The following DLG5 variants were observed in gnomAD, a reference collection of about 807,000 sequenced individuals.
DLG5 encodes discs large MAGUK scaffold protein 5.
Under a neutral mutation model 189.8 loss-of-function variants are expected in DLG5, and 48 were observed. That is an observed-to-expected ratio of 0.25 (90% CI 0.20 to 0.32). The LOEUF (loss-of-function observed/expected upper bound fraction) is 0.32, where lower values mean the gene tolerates loss of function less well. Among genes scored for constraint, DLG5 ranks in the 10% least tolerant of loss-of-function variants. The pLI, the probability that DLG5 is intolerant of heterozygous loss-of-function variation, is 1.00. For synonymous variants in DLG5, 1,016 were observed against 1,054.1 expected, an observed-to-expected ratio of 0.96 and a Z score of 0.70; for missense variants, 2,160 against 2,544.7, an observed-to-expected ratio of 0.85 and a Z score of 3.25.
rs1351719390 is a variant in DLG5 at position 77,821,762 on chromosome 10, C to T, written c.2722G>A (p.Val908Met). Residue 908 changes from valine (V) to methionine (M), a missense_variant, in exon 15 of 32, where the codon GTG (valine) becomes ATG (methionine). Transcript: ENST00000372391. ...DASGDRGFGL[V>M]DVRGRRPLLP... ...AGTGGCCGCCGGCCACGCACGTCCA[C>T]CAGCCCAAAGCCACGGTCCCCAGAG... 6.2e-7 allele frequency: 1 copy of T among 1,609,634 alleles called. No individual in the cohort carries two copies.
At chr10:77,890,894 G>A (rs1845587225) in intron 1 of DLG5, among the ~76,000 whole-genome samples, 1 of 152,100 alleles carries the variant, frequency 6.6e-6, no homozygotes, top group Admixed American at 6.5e-5. Flanking sequence ...GGGTCTCCAT[G>A]GGCCCAGCCT....
At chr10:77,830,615 C>T in intron 10 of DLG5, 126 bp downstream of exon 10, 1 of 1,455,584 alleles carries the variant, frequency 6.9e-7, no homozygotes, top group Non-Finnish European at 9.3e-7. Context: ...GGATGCCTCA[C>T]ACTCCTGGGA....
Position 77,824,446 on chromosome 10 carries a change from G to A in DLG5, c.2320C>T (p.Leu774=), listed in dbSNP as rs1479821399. Residue 774 remains leucine (L), a synonymous_variant, in exon 14 of 32, where the codon CTG becomes TTG. Transcript: ENST00000372391. ...INGIALDNKS[L]NECESLLRSC... is the part of the protein sequence containing the mutation. ...CGCAGCAGAGATTCACATTCATTCA[G>A]AGACTTGTTGTCCAGTGCAATGCCA... 1 of 1,613,942 alleles carries A rather than the reference G, an allele frequency of 6.2e-7. No individual in the cohort carries two copies. Among genetic ancestry groups the A allele is most frequent in the Non-Finnish European group, 8.5e-7 (1 of 1,179,986 alleles).
At chr10:77,793,867 G>C (rs573618467) in intron 31 of DLG5, 141 bp downstream of exon 31, 1 of 701,382 alleles carries the variant, frequency 1.4e-6, no homozygotes, top group African/African-American at 1.8e-5. Context: ...CTGAACACCT[G>C]ACTTGTCAGG....
intron 27 of DLG5, among the ~76,000 whole-genome samples, chr10:77,804,338 C>T (rs1482911134): frequency 1.3e-5 from 2 of 152,256 alleles, no homozygotes; most frequent in Admixed American, 1.3e-4. Flanking sequence ...GCTCAGCTCA[C>T]AGACCATTTA....
rs144884705 is a variant in DLG5 at position 77,865,290 on chromosome 10, CT to C, written c.373+3838del. Among the ~76,000 whole-genome samples the C allele has an allele frequency of 8.9e-3, 1,349 of 152,236 alleles. 20 individuals are homozygous for C. The highest frequency in any genetic ancestry group is 0.031 in the African/African-American group (1,268 of 41,522). On this transcript the variant is annotated intron_variant, in intron 2 of 31. Coordinates refer to ENST00000372391, the MANE Select transcript of DLG5 (RefSeq NM_004747.4). ...AAATTGGCTTTGCAAAGGATTACCC[CT>C]GACCCAAAAGTCTGGGCCAGGAATG...
intron 24 of DLG5, among the ~76,000 whole-genome samples, chr10:77,809,209 C>A (rs569839329): frequency 1.1e-4 from 16 of 152,032 alleles, no homozygotes; most frequent in African/African-American, 3.9e-4. Flanking sequence ...GAGTTTGAGA[C>A]CAGCCTGGGC....
Position 77,895,827 on chromosome 10 carries a change from T to C in DLG5, c.305-26630A>G, listed in dbSNP as rs143599130. On this transcript the variant is annotated intron_variant, in intron 1 of 31. Coordinates refer to ENST00000372391, the MANE Select transcript of DLG5 (RefSeq NM_004747.4). Reference sequence around the variant, plus strand: ...GAGTTCAAGACCAGCCTGGCCAACATGGTGAAACCCCATCTCTACCCAGGG... The same window carrying C: ...GAGTTCAAGACCAGCCTGGCCAACACGGTGAAACCCCATCTCTACCCAGGG... 4.1e-3 allele frequency among the ~76,000 whole-genome samples: 623 copies of C among 152,226 alleles called. 5 individuals carry two copies. Among genetic ancestry groups the C allele is most frequent in the African/African-American group, 0.014 (586 of 41,546 alleles).
At position 77,805,115 on chromosome 10, in the gene DLG5, G is replaced by A. The variant is rs376842767; in HGVS notation, c.5164+550C>T. 1.8e-4 allele frequency among the ~76,000 whole-genome samples: 27 copies of A among 152,224 alleles called. No individual in the cohort carries two copies. The South Asian group carries it at 5.0e-3, about 28-fold the overall frequency. On this transcript the variant is annotated intron_variant, in intron 27 of 31. Coordinates refer to ENST00000372391, the MANE Select transcript of DLG5 (RefSeq NM_004747.4). ...CTCCCAAGTAGCTGGGATTACAGGT[G>A]CATGCCACCACACCTGGCTAATTTT...
At chr10:77,835,388 G>A (rs935871861) in intron 8 of DLG5, among the ~76,000 whole-genome samples, 1 of 152,166 alleles carries the variant, frequency 6.6e-6, no homozygotes, top group African/African-American at 2.4e-5. Context: ...CTGGCACACA[G>A]TAGGCGCCCG....
intron 31 of DLG5, chr10:77,793,540 T>C (rs1248810264): frequency 6.7e-6 from 1 of 149,366 alleles, no homozygotes; most frequent in African/African-American, 2.5e-5. Flanking sequence ...ATTGTTTTTT[T>C]TTGTTTTGTT....
chr10:77,814,464 TATATATATATATATATATATATATATATA>T, intron 20 of DLG5, among the ~76,000 whole-genome samples: 1 of 30,096 alleles, frequency 3.3e-5, no homozygotes, highest in South Asian at 1.5e-3. Context: ...AGCATGTTTA[TATATATATATATATATATATATATATATA>T]TATATATATA....
chr10:77,824,672 C>T, intron 13 of DLG5, 196 bp from the exon 14 acceptor site: 2 of 552,434 alleles, frequency 3.6e-6, no homozygotes. Flanking sequence ...GGTAGAGGAA[C>T]ACATAAGCCT....
At chr10:77,819,675 A>AT in intron 16 of DLG5, 1 of 1,031,928 alleles carries the variant, frequency 9.7e-7, no homozygotes. Context: ...CATGCTTCCT[A>AT]TTTCCCAGGT....
At chr10:77,795,294 C>T (rs552675617) in intron 29 of DLG5, among the ~76,000 whole-genome samples, 12 of 152,240 alleles carry the variant, frequency 7.9e-5, no homozygotes, top group South Asian at 6.2e-4. Flanking sequence ...CCAGACTGAG[C>T]GAATGAAGAG....
intron 7 of DLG5, among the ~76,000 whole-genome samples, chr10:77,836,267 G>C (rs1397317594): frequency 6.6e-6 from 1 of 152,126 alleles, no homozygotes; most frequent in Non-Finnish European, 1.5e-5. Flanking sequence ...CACATCCCTA[G>C]AGAGTTATAT....
intron 13 of DLG5, among the ~76,000 whole-genome samples, chr10:77,826,209 C>A (rs912128140): frequency 6.6e-6 from 1 of 152,224 alleles, no homozygotes. Context: ...AGTGGCCATG[C>A]AGCACGACAC....
chr10:77,806,621 A>T, intron 26 of DLG5, 137 bp downstream of exon 26: 1 of 1,227,488 alleles, frequency 8.1e-7, no homozygotes, highest in Non-Finnish European at 1.1e-6. Context: ...CAAAATGTAG[A>T]GAGCAGAAGC....
intron 2 of DLG5, chr10:77,867,203 T>C (rs1713070917): frequency 2.5e-6 from 1 of 403,806 alleles, no homozygotes; most frequent in Admixed American, 2.6e-5. Flanking sequence ...CTACTCAGGC[T>C]GGGAATTCCA....
Sources: allele counts gnomAD v4.1 joint callset (sites outside exome capture counted in the v4.1 genomes callset), GRCh38; gene constraint gnomAD v4.1.1; transcripts MANE v1.5; gene names NCBI Gene and HGNC (gene_info 2026-07-23, HGNC 2026-07-21).